Variants in RALYL observed in about 807,000 individuals in gnomAD.
RALYL encodes RNA-binding Raly-like protein.
In RALYL, 29 loss-of-function variants were observed where a neutral mutation model predicts 35.1. The observed-to-expected ratio is 0.83, with a 90% CI of 0.61 to 1.13. RALYL has a LOEUF of 1.13. Ranked by LOEUF, RALYL falls within the 50% of genes most tolerant of loss-of-function variation. The pLI is 0.00. For synonymous variants in RALYL, 120 were observed against 127.6 expected (o/e 0.94, Z 0.40); for missense variants, 359 against 360.4 (o/e 1.00, Z 0.03).
At chr8:84,825,066 G>A (rs1339377604) in intron 4 of RALYL, among the ~76,000 whole-genome samples, 5 of 151,954 alleles carry the variant, frequency 3.3e-5, no homozygotes, top group Admixed American at 1.3e-4. Context: ...AACAGACAAC[G>A]TACAGAATGG....
Position 84,589,165 on chromosome 8 carries a change from C to T in RALYL, c.256+59588C>T, listed in dbSNP as rs542367030. ...CGCCCGCCTCGGCCTCCCAAAGCGC[C>T]GGGATTACAGGTGTGAGCCACCACG... On this transcript the variant is annotated intron_variant, in intron 2 of 8. Coordinates refer to ENST00000521268, the MANE Select transcript of RALYL (RefSeq NM_173848.7). 3.4e-3 allele frequency among the ~76,000 whole-genome samples: 518 copies of T among 152,070 alleles called. 2 individuals carry two copies. The highest frequency in any genetic ancestry group is 0.012 in the South Asian group (56 of 4,824).
At chr8:84,786,435 A>G (rs1300248775) in intron 3 of RALYL, among the ~76,000 whole-genome samples, 1 of 152,094 alleles carries the variant, frequency 6.6e-6, no homozygotes, top group Non-Finnish European at 1.5e-5. Context: ...ACTAATTTAC[A>G]TTCCCACCAA....
intron 2 of RALYL, among the ~76,000 whole-genome samples, chr8:84,548,755 T>G (rs2060523025): frequency 6.6e-6 from 1 of 152,220 alleles, no homozygotes; most frequent in South Asian, 2.1e-4. Context: ...CTGCTCTTTC[T>G]TCCTCAATTT....
chr8:84,232,901 C>T (rs1825684622), intron 1 of RALYL, among the ~76,000 whole-genome samples: 1 of 151,906 alleles, frequency 6.6e-6, no homozygotes, highest in East Asian at 1.9e-4. Flanking sequence ...TAGTAATATT[C>T]CTGAATATGG....
At chr8:84,735,128 T>G (rs1164595744) in intron 2 of RALYL, among the ~76,000 whole-genome samples, 3 of 151,598 alleles carry the variant, frequency 2.0e-5, no homozygotes, top group Non-Finnish European at 4.4e-5. Context: ...GACTGTTCGT[T>G]ACCAACTTAG....
intron 8 of RALYL, among the ~76,000 whole-genome samples, chr8:84,918,600 G>A (rs1041615635): frequency 3.3e-5 from 5 of 152,082 alleles, no homozygotes; most frequent in African/African-American, 9.7e-5. Context: ...AGCTCCATAA[G>A]TGACTATGTT....
intron 3 of RALYL, among the ~76,000 whole-genome samples, chr8:84,777,010 AT>A (rs1240676288): frequency 1.3e-5 from 2 of 152,166 alleles, no homozygotes; most frequent in African/African-American, 4.8e-5. Flanking sequence ...TTTTATACAC[AT>A]TTTCTCATTC....
chr8:84,272,582 A>T (rs1834539883), intron 1 of RALYL, among the ~76,000 whole-genome samples: 1 of 152,216 alleles, frequency 6.6e-6, no homozygotes, highest in African/African-American at 2.4e-5. Flanking sequence ...TATCATTGTC[A>T]CATGGGCCAG....
chr8:84,396,074 T>C (rs1365109667), intron 1 of RALYL, among the ~76,000 whole-genome samples: 1 of 152,056 alleles, frequency 6.6e-6, no homozygotes, highest in African/African-American at 2.4e-5. Context: ...AAAATATTTC[T>C]ATTTTCATTT....
At chr8:84,321,738 C>T (rs1233194069) in intron 1 of RALYL, among the ~76,000 whole-genome samples, 2 of 152,094 alleles carry the variant, frequency 1.3e-5, no homozygotes, top group Non-Finnish European at 2.9e-5. Context: ...TAGAATCTTT[C>T]CCATTCTCCA....
chr8:84,637,788 G>C (rs1034181636), intron 2 of RALYL, among the ~76,000 whole-genome samples: 3 of 151,730 alleles, frequency 2.0e-5, no homozygotes, highest in Non-Finnish European at 4.4e-5. Flanking sequence ...TTTTGCAGCT[G>C]GGTCTCCATG....
At chr8:84,205,462 C>A (rs1193979871) in intron 1 of RALYL, among the ~76,000 whole-genome samples, 1 of 152,180 alleles carries the variant, frequency 6.6e-6, no homozygotes, top group African/African-American at 2.4e-5. Context: ...GGTATTATAA[C>A]CTGAAAATAT....
intron 2 of RALYL, among the ~76,000 whole-genome samples, chr8:84,672,370 T>A (rs1833431070): frequency 6.6e-6 from 1 of 152,162 alleles, no homozygotes; most frequent in Non-Finnish European, 1.5e-5. Context: ...GCCTTCCAAG[T>A]TTTTAGGAAG....
At chr8:84,794,862 C>T (rs2133895024) in intron 3 of RALYL, among the ~76,000 whole-genome samples, 1 of 152,316 alleles carries the variant, frequency 6.6e-6, no homozygotes, top group Non-Finnish European at 1.5e-5. Flanking sequence ...TATGAAAGAA[C>T]ATTACAGTCC....
At chr8:84,263,186 T>C (rs936531016) in intron 1 of RALYL, among the ~76,000 whole-genome samples, 5 of 152,198 alleles carry the variant, frequency 3.3e-5, no homozygotes, top group African/African-American at 1.2e-4. Flanking sequence ...AAGTTCTAAG[T>C]AAATATTTGC....
chr8:84,426,859 A>G (rs190625503), intron 1 of RALYL, among the ~76,000 whole-genome samples: 2 of 152,284 alleles, frequency 1.3e-5, no homozygotes. Context: ...TGTTGGTGGC[A>G]ATGAAGATTG....
intron 1 of RALYL, among the ~76,000 whole-genome samples, chr8:84,270,139 C>T (rs1176300625): frequency 6.6e-6 from 1 of 152,126 alleles, no homozygotes; most frequent in African/African-American, 2.4e-5. Flanking sequence ...GTCATTACAG[C>T]CCAGTTCTTA....
chr8:84,854,157 C>A (rs981100980), intron 5 of RALYL, among the ~76,000 whole-genome samples: 1 of 151,974 alleles, frequency 6.6e-6, no homozygotes, highest in African/African-American at 2.4e-5. Context: ...ACCAGCCTGG[C>A]CAACATGGTA....
At chr8:84,213,784 G>C (rs1282968245) in intron 1 of RALYL, among the ~76,000 whole-genome samples, 2 of 152,156 alleles carry the variant, frequency 1.3e-5, no homozygotes, top group Admixed American at 6.5e-5. Flanking sequence ...TCTGTCCTAA[G>C]AATATATGTT....
Sources: gnomAD v4.1 joint callset for allele counts (sites outside exome capture counted in the v4.1 genomes callset) on GRCh38, gnomAD v4.1.1 for gene constraint, MANE v1.5 for transcripts, NCBI Gene and HGNC (gene_info 2026-07-23, HGNC 2026-07-21) for gene names.